Variants in GALNT13 observed in about 807,000 individuals in gnomAD.
GALNT13 encodes polypeptide N-acetylgalactosaminyltransferase 13.
GALNT13 carries 28 observed loss-of-function variants against 64.2 expected under a neutral mutation model. That is an observed-to-expected ratio of 0.44 (90% CI 0.32 to 0.60). The LOEUF is 0.60. GALNT13 is among the 20% of genes least tolerant of loss of function. The pLI is 0.05. For missense variants in GALNT13, 577 were observed against 669.8 expected (o/e 0.86, Z 1.53); for synonymous variants, 214 against 224.6 (o/e 0.95, Z 0.42).
the GALNT13 span, among the ~76,000 whole-genome samples, chr2:153,308,592 T>C: frequency 6.6e-6 from 1 of 152,204 alleles, no homozygotes. Context: ...TTGAGGTTTT[T>C]GGAAAGGTCT....
the GALNT13 span, among the ~76,000 whole-genome samples, chr2:153,132,490 T>A: frequency 6.6e-6 from 1 of 152,140 alleles, no homozygotes; most frequent in Non-Finnish European, 1.5e-5. Context: ...GCAATGGAAA[T>A]ACTAGCCCAA....
At chr2:154,054,097 T>A (rs1699779965) in intron 3 of GALNT13, among the ~76,000 whole-genome samples, 1 of 152,134 alleles carries the variant, frequency 6.6e-6, no homozygotes, top group Non-Finnish European at 1.5e-5. Context: ...AAAACATTAT[T>A]CTTGCACAGA....
the GALNT13 span, among the ~76,000 whole-genome samples, chr2:153,158,693 T>C: frequency 6.6e-6 from 1 of 152,204 alleles, no homozygotes; most frequent in African/African-American, 2.4e-5. Context: ...ATGATGTATT[T>C]TGAAAATATT....
chr2:153,539,749 T>G, the GALNT13 span, among the ~76,000 whole-genome samples: 117 of 151,276 alleles, frequency 7.7e-4, 2 homozygotes, highest in Middle Eastern at 3.4e-3. Context: ...TCCATTGATC[T>G]GTATCTCTGT....
the GALNT13 span, among the ~76,000 whole-genome samples, chr2:153,649,131 T>A: frequency 6.6e-5 from 10 of 152,186 alleles, no homozygotes; most frequent in Non-Finnish European, 1.2e-4. Context: ...AATTATTGCC[T>A]CAGTTTCAGA....
the GALNT13 span, among the ~76,000 whole-genome samples, chr2:153,139,550 C>G: frequency 6.6e-6 from 1 of 151,924 alleles, no homozygotes; most frequent in African/African-American, 2.4e-5. Context: ...GAGATGGCAT[C>G]TGAGCACACC....
At chr2:153,441,716 A>G in the GALNT13 span, among the ~76,000 whole-genome samples, 1 of 152,112 alleles carries the variant, frequency 6.6e-6, no homozygotes, top group African/African-American at 2.4e-5. Flanking sequence ...GCAATTGTGA[A>G]TGGGAGTTCA....
At chr2:153,970,827 G>A (rs754312137) in intron 3 of GALNT13, among the ~76,000 whole-genome samples, 1 of 152,136 alleles carries the variant, frequency 6.6e-6, no homozygotes, top group South Asian at 2.1e-4. Context: ...TTTCACATTA[G>A]CACATCCTGT....
intron 3 of GALNT13, among the ~76,000 whole-genome samples, chr2:154,047,289 C>T (rs768502936): frequency 2.0e-5 from 3 of 152,114 alleles, no homozygotes; most frequent in Non-Finnish European, 2.9e-5. Context: ...CTTGTTCACT[C>T]GTTGATCTTT....
At chr2:154,186,744 C>G (rs1225536127) in intron 4 of GALNT13, among the ~76,000 whole-genome samples, 1 of 152,094 alleles carries the variant, frequency 6.6e-6, no homozygotes, top group Non-Finnish European at 1.5e-5. Context: ...AGGTTAAGCC[C>G]ATGACTTTGA....
chr2:153,579,182 C>A, the GALNT13 span, among the ~76,000 whole-genome samples: 1 of 152,142 alleles, frequency 6.6e-6, no homozygotes, highest in African/African-American at 2.4e-5. Context: ...AAAAACTATC[C>A]TGAGTGGCTA....
the GALNT13 span, among the ~76,000 whole-genome samples, chr2:153,805,011 A>G: frequency 6.6e-6 from 1 of 152,028 alleles, no homozygotes; most frequent in Admixed American, 6.5e-5. Context: ...AATAAAACAC[A>G]AGAGTAAATG....
At chr2:153,927,532 A>G (rs796832812) in intron 2 of GALNT13, among the ~76,000 whole-genome samples, 14 of 152,046 alleles carry the variant, frequency 9.2e-5, no homozygotes, top group African/African-American at 3.1e-4. Flanking sequence ...TAGTTGCTTT[A>G]TATTGATTGA....
chr2:153,986,775 G>A (rs1694828763), intron 3 of GALNT13, among the ~76,000 whole-genome samples: 1 of 151,958 alleles, frequency 6.6e-6, no homozygotes, highest in Non-Finnish European at 1.5e-5. Flanking sequence ...GGATGAAGGG[G>A]AGAATTATAA....
In GALNT13 at chr2:154,148,887, C is replaced by G. The variant is rs200874726; in HGVS notation, c.311+8382C>G. Among the ~76,000 whole-genome samples the G allele has an allele frequency of 2.4e-3, 372 of 152,206 alleles. 9 individuals carry two copies. The East Asian group carries it at 0.056, about 23-fold the overall frequency. ...TCCCATTTTGTAGGTTGCCTGTTCA[C>G]TCTGATGGTAGTTTCTTTTGCTGTG... On this transcript the variant is annotated intron_variant, in intron 4 of 12. Transcript: ENST00000392825.
the GALNT13 span, among the ~76,000 whole-genome samples, chr2:153,412,950 A>G: frequency 6.6e-6 from 1 of 152,202 alleles, no homozygotes; most frequent in Non-Finnish European, 1.5e-5. Context: ...ATAATTTAAG[A>G]ATGATTCTAT....
intron 3 of GALNT13, among the ~76,000 whole-genome samples, chr2:154,124,541 A>C (rs1682143426): frequency 6.6e-6 from 1 of 151,994 alleles, no homozygotes; most frequent in South Asian, 2.1e-4. Context: ...TGATTTTTTG[A>C]TGCCTAGACC....
the GALNT13 span, among the ~76,000 whole-genome samples, chr2:153,608,045 T>G: frequency 2.6e-5 from 4 of 152,134 alleles, no homozygotes; most frequent in Admixed American, 1.3e-4. Context: ...AACTGGCCAC[T>G]GGAAGGATCA....
At chr2:154,128,931 T>C (rs1682453539) in intron 3 of GALNT13, among the ~76,000 whole-genome samples, 1 of 152,146 alleles carries the variant, frequency 6.6e-6, no homozygotes, top group South Asian at 2.1e-4. Flanking sequence ...ATTGATATAA[T>C]TTCATATTTC....
Sources: gnomAD v4.1 joint callset for allele counts (sites outside exome capture counted in the v4.1 genomes callset) on GRCh38, gnomAD v4.1.1 for gene constraint, MANE v1.5 for transcripts, NCBI Gene and HGNC (gene_info 2026-07-23, HGNC 2026-07-21) for gene names.